The following GABRR3 variants were observed in gnomAD, a reference collection of about 807,000 sequenced individuals.
GABRR3 encodes the protein gamma-aminobutyric acid type A receptor subunit rho3, also known as gamma-aminobutyric acid receptor subunit rho-3.
GABRR3 carries 29 observed loss-of-function variants against 43.2 expected under a neutral mutation model. The ratio of observed to expected loss-of-function variants is 0.67; its 90% CI spans 0.50 to 0.92. The LOEUF (loss-of-function observed/expected upper bound fraction) is 0.92, where lower values mean the gene tolerates loss of function less well. GABRR3 is among the 40% of genes least tolerant of loss of function. The pLI is 0.00. For synonymous variants in GABRR3, 206 were observed against 195.9 expected (o/e 1.05, Z -0.43); for missense variants, 576 against 572.3 (o/e 1.01, Z -0.07).
chr3:98,030,549 C>T (rs1707074752), intron 2 of GABRR3, among the ~76,000 whole-genome samples: 2 of 152,124 alleles, frequency 1.3e-5, no homozygotes, highest in African/African-American at 4.8e-5. Flanking sequence ...AAAACAAAAG[C>T]ATAACTGGAT....
intron 9 of GABRR3, among the ~76,000 whole-genome samples, chr3:97,987,696 G>A (rs1706405997): frequency 6.6e-6 from 1 of 152,150 alleles, no homozygotes; most frequent in Admixed American, 6.5e-5. Context: ...ACTATTTTGT[G>A]CAGTCAGTGA....
At chr3:98,021,628 A>C (rs1400833756) in intron 3 of GABRR3, among the ~76,000 whole-genome samples, 1 of 152,210 alleles carries the variant, frequency 6.6e-6, no homozygotes, top group Non-Finnish European at 1.5e-5. Context: ...CAGTGTAAAT[A>C]ATAATTTTTA....
At chr3:97,994,999 A>G (rs547722722) in intron 8 of GABRR3, among the ~76,000 whole-genome samples, 4 of 150,878 alleles carry the variant, frequency 2.7e-5, no homozygotes, top group African/African-American at 4.9e-5. Flanking sequence ...TTTTTTTGAG[A>G]TGGAGTTTTG....
chr3:98,033,877 GAATCAGT>G (rs1290835093), intron 2 of GABRR3, among the ~76,000 whole-genome samples: 1 of 152,108 alleles, frequency 6.6e-6, no homozygotes. Context: ...CGCAGTGCAG[GAATCAGT>G]AATCTAGTAA....
Position 98,020,697 on chromosome 3 carries a change from C to G in GABRR3, c.239-2975G>C, listed in dbSNP as rs549464649. On this transcript the variant is annotated intron_variant, in intron 3 of 9. Coordinates refer to ENST00000621172, the Ensembl canonical transcript of GABRR3. The stretch of plus-strand genomic sequence containing the variant: ...GGTTGTTTGAAGGCTGATCTGAGAT[C>G]GGGGTTAAAACATAGCTTGTCTATT... 3.9e-5 allele frequency among the ~76,000 whole-genome samples: 6 copies of G among 151,998 alleles called. No homozygotes were observed. The South Asian group carries it at 1.2e-3, about 32-fold the overall frequency.
intron 8 of GABRR3, among the ~76,000 whole-genome samples, chr3:97,993,664 G>A (rs1314265499): frequency 2.0e-5 from 3 of 152,070 alleles, no homozygotes; most frequent in Non-Finnish European, 4.4e-5. Flanking sequence ...TCAGTTCATT[G>A]TAAACACTTA....
At chr3:98,021,382 A>G (rs1163060976) in intron 3 of GABRR3, among the ~76,000 whole-genome samples, 1 of 152,234 alleles carries the variant, frequency 6.6e-6, no homozygotes, top group Non-Finnish European at 1.5e-5. Context: ...GCAATAAAGC[A>G]TATGGATTCA....
intron 6 of GABRR3, 158 bp downstream of exon 6, chr3:98,008,798 C>CAAAAAAAA (rs57502092): frequency 3.5e-5 from 4 of 113,848 alleles, no homozygotes; most frequent in Admixed American, 9.0e-5. Flanking sequence ...AAACAGAAAC[C>CAAAAAAAA]AAAAAAAAAA....
chr3:97,994,624 G>T (rs1017553935), intron 8 of GABRR3, among the ~76,000 whole-genome samples: 2 of 152,118 alleles, frequency 1.3e-5, no homozygotes, highest in Admixed American at 6.5e-5. Flanking sequence ...TATTAAGCAT[G>T]GAATTTTTAT....
At chr3:98,030,625 G>GA (rs1576052879) in intron 2 of GABRR3, among the ~76,000 whole-genome samples, 1 of 152,068 alleles carries the variant, frequency 6.6e-6, no homozygotes, top group African/African-American at 2.4e-5. Flanking sequence ...AAATTATCTA[G>GA]AAAAAATTGA....
intron 2 of GABRR3, among the ~76,000 whole-genome samples, chr3:98,031,356 C>T (rs549372948): frequency 6.6e-6 from 1 of 152,292 alleles, no homozygotes; most frequent in East Asian, 1.9e-4. Context: ...TCACGTGGTA[C>T]ATTAACTTGG....
intron 7 of GABRR3, among the ~76,000 whole-genome samples, chr3:98,003,272 T>G (rs1706676360): frequency 6.6e-6 from 1 of 152,084 alleles, no homozygotes; most frequent in Non-Finnish European, 1.5e-5. Context: ...TACTGTGAGG[T>G]TAAAAGAAAT....
intron 9 of GABRR3, among the ~76,000 whole-genome samples, chr3:97,988,611 G>GGGT (rs1044063013): frequency 1.3e-5 from 2 of 151,318 alleles, no homozygotes; most frequent in African/African-American, 4.9e-5. Flanking sequence ...GGTGGGTGGT[G>GGGT]GGTGGTGGTG....
At chr3:97,989,023 G>A (rs1387315142) in intron 9 of GABRR3, among the ~76,000 whole-genome samples, 1 of 151,232 alleles carries the variant, frequency 6.6e-6, no homozygotes, top group African/African-American at 2.4e-5. Flanking sequence ...GGTGGTGCGG[G>A]TATATGGTAG....
chr3:98,010,653 G>GA (rs1706778301), intron 5 of GABRR3, among the ~76,000 whole-genome samples: 2 of 152,288 alleles, frequency 1.3e-5, no homozygotes, highest in South Asian at 4.1e-4. Flanking sequence ...TGCAGGGTAA[G>GA]AAAAATCCAC....
intron 3 of GABRR3, among the ~76,000 whole-genome samples, chr3:98,020,786 T>A (rs1210972929): frequency 2.6e-5 from 4 of 152,122 alleles, no homozygotes; most frequent in Admixed American, 2.6e-4. Flanking sequence ...ATACTGGTTC[T>A]GGTGGGGATA....
chr3:98,020,369 G>T (rs1378305558), intron 3 of GABRR3, among the ~76,000 whole-genome samples: 2 of 143,646 alleles, frequency 1.4e-5, no homozygotes, highest in African/African-American at 5.2e-5. Flanking sequence ...TATCACTACT[G>T]CAATTAAGCA....
chr3:97,991,083 G>A (rs1191446043), intron 9 of GABRR3, among the ~76,000 whole-genome samples: 3 of 152,322 alleles, frequency 2.0e-5, no homozygotes, highest in East Asian at 3.9e-4. Flanking sequence ...GTGAACACAC[G>A]TTGTGTGGCA....
chr3:98,024,008 G>A (rs1457643345), intron 3 of GABRR3, among the ~76,000 whole-genome samples: 1 of 152,188 alleles, frequency 6.6e-6, no homozygotes, highest in Non-Finnish European at 1.5e-5. Context: ...AGAACCCCCA[G>A]GTGATCCTGA....
Sources: allele counts gnomAD v4.1 joint callset (sites outside exome capture counted in the v4.1 genomes callset), GRCh38; gene constraint gnomAD v4.1.1; transcripts MANE v1.5; gene names NCBI Gene and HGNC (gene_info 2026-07-23, HGNC 2026-07-21).